The following ARHGAP28 variants were observed in gnomAD, a reference collection of about 807,000 sequenced individuals.
ARHGAP28 encodes Rho GTPase activating protein 28, also known as rho GTPase-activating protein 28.
Under a neutral mutation model 90.7 loss-of-function variants are expected in ARHGAP28, and 56 were observed. That is an observed-to-expected ratio of 0.62 (90% CI 0.50 to 0.77). ARHGAP28 has a LOEUF of 0.77. Among genes scored for constraint, ARHGAP28 ranks in the 30% least tolerant of loss-of-function variants. ARHGAP28 has a pLI of 0.00. For missense variants in ARHGAP28, 869 were observed against 900.9 expected, an observed-to-expected ratio of 0.96 and a Z score of 0.45; for synonymous variants, 308 against 323.3, an observed-to-expected ratio of 0.95 and a Z score of 0.51.
At chr18:6,827,872 G>C (rs924094786) in intron 2 of ARHGAP28, among the ~76,000 whole-genome samples, 8 of 151,400 alleles carry the variant, frequency 5.3e-5, no homozygotes, top group African/African-American at 1.9e-4. Flanking sequence ...GACGATGGGC[G>C]GCCGGGAAGA....
chr18:6,808,756 G>GAT (rs1203624145), intron 1 of ARHGAP28, among the ~76,000 whole-genome samples: 2 of 152,114 alleles, frequency 1.3e-5, no homozygotes, highest in Non-Finnish European at 2.9e-5. Context: ...AAGTCCACTT[G>GAT]ATATATATAT....
At chr18:6,857,169 T>G (rs990862811) in intron 4 of ARHGAP28, among the ~76,000 whole-genome samples, 2 of 152,222 alleles carry the variant, frequency 1.3e-5, no homozygotes, top group South Asian at 2.1e-4. Context: ...CACCCATAGC[T>G]GTTAAACTTA....
At chr18:6,854,235 C>T (rs1255024268) in intron 4 of ARHGAP28, among the ~76,000 whole-genome samples, 5 of 151,822 alleles carry the variant, frequency 3.3e-5, no homozygotes, top group African/African-American at 1.2e-4. Flanking sequence ...TTAGCGTGAC[C>T]GTATGTTTTT....
chr18:6,760,081 A>T (rs1159685219), intron 1 of ARHGAP28, among the ~76,000 whole-genome samples: 2 of 152,202 alleles, frequency 1.3e-5, no homozygotes, highest in East Asian at 1.9e-4. Context: ...ATGGAATTAT[A>T]TCCTAACTAT....
At chr18:6,910,329 G>T (rs972214297) in intron 17 of ARHGAP28, among the ~76,000 whole-genome samples, 10 of 152,122 alleles carry the variant, frequency 6.6e-5, no homozygotes, top group Non-Finnish European at 1.5e-5. Context: ...TTCAGTCCTC[G>T]GAACTCTCCT....
chr18:6,884,256 C>T (rs1319680109), intron 11 of ARHGAP28, among the ~76,000 whole-genome samples: 2 of 152,170 alleles, frequency 1.3e-5, no homozygotes, highest in African/African-American at 4.8e-5. Flanking sequence ...CACCTGTAGA[C>T]CCAACTACTC....
At chr18:6,749,267 A>G (rs1030613012) in intron 1 of ARHGAP28, among the ~76,000 whole-genome samples, 13 of 152,210 alleles carry the variant, frequency 8.5e-5, no homozygotes, top group African/African-American at 2.7e-4. Flanking sequence ...AATTAATAGC[A>G]TATCTTATAG....
intron 11 of ARHGAP28, among the ~76,000 whole-genome samples, chr18:6,884,270 A>T (rs1363027861): frequency 2.0e-5 from 3 of 152,162 alleles, no homozygotes; most frequent in African/African-American, 7.2e-5. Flanking sequence ...ACTACTCTGG[A>T]TGCTGAGGCA....
chr18:6,745,650 G>A (rs1443249878), intron 1 of ARHGAP28, among the ~76,000 whole-genome samples: 4 of 152,050 alleles, frequency 2.6e-5, no homozygotes. Context: ...CTCCTTCCAG[G>A]CAACCCGTTT....
chr18:6,850,231 A>G (rs1217015902), intron 3 of ARHGAP28, among the ~76,000 whole-genome samples: 1 of 152,182 alleles, frequency 6.6e-6, no homozygotes, highest in Non-Finnish European at 1.5e-5. Context: ...CTCTAAAATT[A>G]TTAAATAATT....
At chr18:6,836,399 C>G (rs2056753951) in intron 2 of ARHGAP28, among the ~76,000 whole-genome samples, 1 of 152,036 alleles carries the variant, frequency 6.6e-6, no homozygotes, top group Non-Finnish European at 1.5e-5. Flanking sequence ...GCAGGTTTCC[C>G]ACCAGGAGTC....
intron 1 of ARHGAP28, among the ~76,000 whole-genome samples, chr18:6,802,171 C>A (rs1024635986): frequency 6.6e-6 from 1 of 152,010 alleles, no homozygotes. Context: ...CATTGATGAG[C>A]ATTTAGCTTG....
At chr18:6,782,337 C>G (rs1170537902) in intron 1 of ARHGAP28, among the ~76,000 whole-genome samples, 1 of 151,936 alleles carries the variant, frequency 6.6e-6, no homozygotes, top group Non-Finnish European at 1.5e-5. Context: ...TCCTAACAGC[C>G]TCGATTAGAG....
intron 3 of ARHGAP28, among the ~76,000 whole-genome samples, chr18:6,846,384 G>A (rs1038762263): frequency 1.3e-5 from 2 of 152,064 alleles, no homozygotes; most frequent in Non-Finnish European, 2.9e-5. Flanking sequence ...GCAGGTTCTT[G>A]GTCTCTCCTA....
At chr18:6,850,760 A>T in intron 3 of ARHGAP28, 1 of 1,485,750 alleles carries the variant, frequency 6.7e-7, no homozygotes, top group Non-Finnish European at 8.9e-7. Context: ...TGATATTCAT[A>T]AGTTAGGAAA....
At chr18:6,790,898 G>A (rs2056401765) in intron 1 of ARHGAP28, 1 of 152,134 alleles carries the variant, frequency 6.6e-6, no homozygotes, top group Non-Finnish European at 1.5e-5. Flanking sequence ...TGAATGGTCT[G>A]TAGATCCATT....
At chr18:6,736,125 A>C (rs1196265897) in intron 1 of ARHGAP28, among the ~76,000 whole-genome samples, 1 of 152,136 alleles carries the variant, frequency 6.6e-6, no homozygotes, top group Non-Finnish European at 1.5e-5. Flanking sequence ...TTGTCACTAC[A>C]ATTCACTAAT....
intron 1 of ARHGAP28, among the ~76,000 whole-genome samples, chr18:6,819,049 G>A (rs1344622778): frequency 6.6e-6 from 1 of 152,160 alleles, no homozygotes; most frequent in Non-Finnish European, 1.5e-5. Context: ...GATGTAATGC[G>A]TATGACAGTA....
chr18:6,778,325 G>A (rs867357100), intron 1 of ARHGAP28, among the ~76,000 whole-genome samples: 46 of 152,242 alleles, frequency 3.0e-4, no homozygotes. Flanking sequence ...AACTTTACTG[G>A]CAGCCTCCTA....
Sources: allele counts gnomAD v4.1 joint callset (sites outside exome capture counted in the v4.1 genomes callset), GRCh38; gene constraint gnomAD v4.1.1; transcripts MANE v1.5; gene names NCBI Gene and HGNC (gene_info 2026-07-23, HGNC 2026-07-21).